Variants in WDR70 observed in about 807,000 individuals in gnomAD.
WDR70 encodes WD repeat-containing protein 70.
A neutral mutation model predicts 88.6 loss-of-function variants in WDR70; 53 were observed. The observed-to-expected ratio is 0.60, with a 90% CI of 0.48 to 0.75. The LOEUF (loss-of-function observed/expected upper bound fraction) is 0.75. WDR70 is among the 30% of genes least tolerant of loss of function. The probability of loss-of-function intolerance (pLI) is 0.00; values close to 1 mark genes in which losing one functional copy is unlikely to be tolerated. For missense variants in WDR70, 610 were observed against 823.2 expected (o/e 0.74, Z 3.17); for synonymous variants, 280 against 270.0 (o/e 1.04, Z -0.36).
At chr5:37,608,038 CT>C (rs11295618) in intron 10 of WDR70, among the ~76,000 whole-genome samples, 38,306 of 100,350 alleles carry the variant, frequency 0.38, 5,387 homozygotes, top group Non-Finnish European at 0.42. Flanking sequence ...CTGCAACACT[CT>C]TTTTTTTTTT....
intron 17 of WDR70, among the ~76,000 whole-genome samples, chr5:37,728,200 T>C (rs1350064943): frequency 6.6e-6 from 1 of 151,606 alleles, no homozygotes; most frequent in Non-Finnish European, 1.5e-5. Context: ...ACACAAAAAT[T>C]AGCCAGGTGT....
intron 10 of WDR70, among the ~76,000 whole-genome samples, chr5:37,651,885 A>T (rs1297202597): frequency 6.6e-6 from 1 of 152,092 alleles, no homozygotes; most frequent in African/African-American, 2.4e-5. Context: ...TAGATTGCAA[A>T]AATTTTCTCC....
chr5:37,415,616 C>G (rs1317002276), intron 5 of WDR70, among the ~76,000 whole-genome samples: 7 of 94,540 alleles, frequency 7.4e-5, no homozygotes, highest in African/African-American at 2.1e-4. Context: ...GAGGGGCTGA[C>G]CCCCCCCACC....
chr5:37,416,182 C>T (rs543592490), intron 5 of WDR70, among the ~76,000 whole-genome samples: 2 of 152,126 alleles, frequency 1.3e-5, no homozygotes, highest in East Asian at 1.9e-4. Context: ...GAGGTTGTAG[C>T]GAGCCGAGAT....
chr5:37,535,841 A>G (rs1344039179), intron 9 of WDR70, among the ~76,000 whole-genome samples: 1 of 152,216 alleles, frequency 6.6e-6, no homozygotes, highest in East Asian at 1.9e-4. Context: ...TCCCAAGGAC[A>G]CATAATTCCA....
At chr5:37,723,108 T>G in intron 15 of WDR70, 174 bp downstream of exon 15, 1 of 678,570 alleles carries the variant, frequency 1.5e-6, no homozygotes, top group East Asian at 2.7e-5. Flanking sequence ...GTGGCTTCTG[T>G]GACTCATCAC....
intron 9 of WDR70, among the ~76,000 whole-genome samples, chr5:37,558,755 T>A (rs986644941): frequency 6.6e-6 from 1 of 152,184 alleles, no homozygotes; most frequent in African/African-American, 2.4e-5. Context: ...TTTTAATTCC[T>A]CTATAGGGAA....
rs1742849357 is a variant in WDR70, at chr5:37,569,825, A to G, written c.918-35239A>G. Among the ~76,000 whole-genome samples, 2 of 152,186 alleles carry G rather than the reference A, an allele frequency of 1.3e-5. 1 individual carries two copies. The highest frequency in any genetic ancestry group is 1.3e-4 in the Admixed American group (2 of 15,270). Reference sequence around the variant, plus strand: ...ATCAGTGTTCCCCTGAAGAAGTGATATATAATTTTAGGCCTAAAGGATGGA... The same window carrying G: ...ATCAGTGTTCCCCTGAAGAAGTGATGTATAATTTTAGGCCTAAAGGATGGA... On this transcript the variant is annotated intron_variant, in intron 9 of 17. Coordinates refer to ENST00000265107, the MANE Select transcript of WDR70 (RefSeq NM_018034.4).
chr5:37,723,050 T>C, intron 15 of WDR70, 116 bp downstream of exon 15: 1 of 1,266,926 alleles, frequency 7.9e-7, no homozygotes, highest in Non-Finnish European at 1.1e-6. Flanking sequence ...ATTACAAAAT[T>C]GCCCATTCAT....
intron 10 of WDR70, among the ~76,000 whole-genome samples, chr5:37,622,502 A>G (rs1173011725): frequency 6.6e-6 from 1 of 152,174 alleles, no homozygotes; most frequent in East Asian, 1.9e-4. Context: ...CAAATGTCCA[A>G]CAATGATAGA....
At chr5:37,560,843 T>C (rs983439928) in intron 9 of WDR70, among the ~76,000 whole-genome samples, 1 of 148,820 alleles carries the variant, frequency 6.7e-6, no homozygotes, top group African/African-American at 2.5e-5. Context: ...GACAGAGTCT[T>C]GCTCTGTCAC....
chr5:37,729,690 G>C (rs375455973), intron 17 of WDR70, among the ~76,000 whole-genome samples: 1 of 152,310 alleles, frequency 6.6e-6, no homozygotes, highest in East Asian at 1.9e-4. Flanking sequence ...GATTGTGGCT[G>C]TGTTAGCCAT....
At chr5:37,427,644 G>C (rs1424757801) in intron 5 of WDR70, among the ~76,000 whole-genome samples, 1 of 152,082 alleles carries the variant, frequency 6.6e-6, no homozygotes, top group African/African-American at 2.4e-5. Flanking sequence ...GGGAGGGCGA[G>C]GTGGGTGGAT....
At chr5:37,540,776 C>G (rs1164224325) in intron 9 of WDR70, among the ~76,000 whole-genome samples, 1 of 152,178 alleles carries the variant, frequency 6.6e-6, no homozygotes, top group African/African-American at 2.4e-5. Flanking sequence ...GTTGCATTTT[C>G]AAAAACAGTT....
chr5:37,659,608 G>T (rs1408849668), intron 10 of WDR70, among the ~76,000 whole-genome samples: 1 of 152,162 alleles, frequency 6.6e-6, no homozygotes, highest in Non-Finnish European at 1.5e-5. Flanking sequence ...AGACTGGGTA[G>T]ATAACAGATA....
chr5:37,646,011 T>TA, intron 10 of WDR70, among the ~76,000 whole-genome samples: 1 of 151,514 alleles, frequency 6.6e-6, no homozygotes, highest in Middle Eastern at 3.4e-3. Context: ...CATTTTTAAT[T>TA]AAAAAAATTT....
intron 10 of WDR70, among the ~76,000 whole-genome samples, chr5:37,614,945 TG>T (rs202121585): frequency 0.11 from 16,195 of 151,932 alleles, 2,767 homozygotes; most frequent in African/African-American, 0.36. Context: ...AGAGTATAAT[TG>T]ATACTCTTAG....
At chr5:37,498,462 A>G (rs1740297303) in intron 8 of WDR70, among the ~76,000 whole-genome samples, 2 of 152,234 alleles carry the variant, frequency 1.3e-5, no homozygotes, top group African/African-American at 2.4e-5. Flanking sequence ...GCCTCTGGAT[A>G]CATGAGTTTA....
chr5:37,675,153 G>A (rs1318065296), intron 10 of WDR70, among the ~76,000 whole-genome samples: 2 of 152,078 alleles, frequency 1.3e-5, no homozygotes, highest in African/African-American at 2.4e-5. Flanking sequence ...AGAGGAGTAG[G>A]TTGTGAAAAT....
Sources: gnomAD v4.1 joint callset for allele counts (sites outside exome capture counted in the v4.1 genomes callset) on GRCh38, gnomAD v4.1.1 for gene constraint, MANE v1.5 for transcripts, NCBI Gene and HGNC (gene_info 2026-07-23, HGNC 2026-07-21) for gene names.